OPCML: variants seen among roughly 807,000 people sequenced by gnomAD.
The protein encoded by OPCML is opioid-binding protein/cell adhesion molecule.
In OPCML, 13 loss-of-function variants were observed where a neutral mutation model predicts 37.8. The observed-to-expected ratio is 0.34, with a 90% CI of 0.22 to 0.55. The LOEUF (loss-of-function observed/expected upper bound fraction) is 0.55. OPCML is among the 20% of genes least tolerant of loss of function. OPCML has a pLI of 0.91. For synonymous variants in OPCML, 176 were observed against 168.8 expected (o/e 1.04, Z -0.33); for missense variants, 341 against 435.6 (o/e 0.78, Z 1.93).
intron 1 of OPCML, among the ~76,000 whole-genome samples, chr11:132,947,241 A>G (rs933226799): frequency 6.6e-6 from 1 of 152,254 alleles, no homozygotes; most frequent in Admixed American, 6.5e-5. Flanking sequence ...CGATAGGAAA[A>G]GAATGGCTGA....
In OPCML at chr11:133,314,043, G is replaced by A. The variant is rs1019182264; in HGVS notation, c.61+218221C>T. Among the ~76,000 whole-genome samples, 45 of 150,908 alleles carry A rather than the reference G, an allele frequency of 3.0e-4. No individual in the cohort carries two copies. The Middle Eastern group carries it at 0.014, about 46-fold the overall frequency. On this transcript the variant is annotated intron_variant, in intron 1 of 7. Transcript: ENST00000524381. ...GAGGTCAGGAGATCGAGACCATCCC[G>A]GCTAACACGGTGAAACCTCGTCTCT...
chr11:132,513,579 A>C (rs1032619764), intron 4 of OPCML, among the ~76,000 whole-genome samples: 4 of 152,154 alleles, frequency 2.6e-5, no homozygotes, highest in Non-Finnish European at 1.5e-5. Flanking sequence ...TATCCTTCTA[A>C]GTATACCATG....
At chr11:132,451,392 G>A (rs983523138) in intron 4 of OPCML, among the ~76,000 whole-genome samples, 1 of 150,872 alleles carries the variant, frequency 6.6e-6, no homozygotes, top group Non-Finnish European at 1.5e-5. Flanking sequence ...CGGGGGTGGG[G>A]GCGCAGACGG....
chr11:132,906,411 C>T (rs78601670), intron 2 of OPCML, among the ~76,000 whole-genome samples: 13,061 of 152,234 alleles, frequency 0.086, 871 homozygotes, highest in African/African-American at 0.17. Flanking sequence ...TCCCTAAGAA[C>T]CGCCCTTTCT....
intron 2 of OPCML, among the ~76,000 whole-genome samples, chr11:132,873,501 T>C (rs990380978): frequency 1.3e-5 from 2 of 151,964 alleles, no homozygotes; most frequent in Non-Finnish European, 2.9e-5. Context: ...GGGATAAGAA[T>C]AATGCCTACA....
intron 1 of OPCML, among the ~76,000 whole-genome samples, chr11:133,496,133 C>G (rs951371131): frequency 2.6e-5 from 4 of 152,136 alleles, no homozygotes; most frequent in African/African-American, 9.7e-5. Context: ...AGCCAATTAT[C>G]CCAGCATCAT....
chr11:133,025,029 A>T (rs1947525190), intron 1 of OPCML: 1 of 981,026 alleles, frequency 1.0e-6, no homozygotes, highest in Admixed American at 6.1e-5. Flanking sequence ...CTATGCCTTA[A>T]GAAACACTTC....
At chr11:133,178,872 T>C (rs1937686407) in intron 1 of OPCML, among the ~76,000 whole-genome samples, 1 of 152,198 alleles carries the variant, frequency 6.6e-6, no homozygotes, top group Non-Finnish European at 1.5e-5. Context: ...GAAACACACA[T>C]ACAGTATGCA....
At chr11:132,539,525 C>A (rs541539242) in intron 3 of OPCML, among the ~76,000 whole-genome samples, 2,438 of 152,064 alleles carry the variant, frequency 0.016, 53 homozygotes, top group African/African-American at 0.051. Flanking sequence ...GCTGCTGCTG[C>A]TGCTGCTGAT....
At chr11:132,714,922 A>G (rs1182172978) in intron 2 of OPCML, among the ~76,000 whole-genome samples, 3 of 152,188 alleles carry the variant, frequency 2.0e-5, no homozygotes, top group Non-Finnish European at 4.4e-5. Flanking sequence ...ATGGAGCAGA[A>G]AACAGTTCAC....
At chr11:133,439,533 T>A (rs1301200462) in intron 1 of OPCML, among the ~76,000 whole-genome samples, 1 of 152,054 alleles carries the variant, frequency 6.6e-6, no homozygotes, top group Non-Finnish European at 1.5e-5. Flanking sequence ...AGTGGCTCCA[T>A]CTCTGCTCAC....
chr11:133,372,526 T>C (rs1056959793), intron 1 of OPCML, among the ~76,000 whole-genome samples: 5 of 152,230 alleles, frequency 3.3e-5, no homozygotes, highest in Admixed American at 1.3e-4. Flanking sequence ...GTTGTTAATT[T>C]ATTTAACTTC....
At chr11:133,467,766 T>C (rs1375708866) in intron 1 of OPCML, among the ~76,000 whole-genome samples, 1 of 152,114 alleles carries the variant, frequency 6.6e-6, no homozygotes. Flanking sequence ...ACACTACCAA[T>C]TCAGGGTGCC....
chr11:133,412,936 T>C (rs922031499), intron 1 of OPCML, among the ~76,000 whole-genome samples: 1 of 152,200 alleles, frequency 6.6e-6, no homozygotes, highest in African/African-American at 2.4e-5. Context: ...AATATCTTCC[T>C]TCACCCTGAA....
rs761281356 is a variant in OPCML, at chr11:133,174,299, G to C, written c.62-231289C>G. On this transcript the variant is annotated intron_variant, in intron 1 of 7. Coordinates refer to ENST00000524381, the MANE Select transcript of OPCML (RefSeq NM_001012393.5). The surrounding 1 kb of genome is among the most constrained non-coding windows in gnomAD (Gnocchi z 4.6). ...TGCCAAACGTAGAGACCTGGAGAGA[G>C]AGGACAGGGGCCTCGCATGAACCTA... Among the ~76,000 whole-genome samples, 31 of 152,152 alleles carry C rather than the reference G, an allele frequency of 2.0e-4. No homozygotes were observed. Among genetic ancestry groups the C allele is most frequent in the African/African-American group, 4.8e-5 (2 of 41,440 alleles).
chr11:133,140,525 TAATAATAAGAAGAAG>T (rs1949757364), intron 1 of OPCML, among the ~76,000 whole-genome samples: 3 of 57,064 alleles, frequency 5.3e-5, no homozygotes, highest in African/African-American at 1.7e-4. Context: ...ATAATAATAA[TAATAATAAGAAGAAG>T]AAGAAGAAGA....
At chr11:133,360,613 G>A (rs28598584) in intron 1 of OPCML, 17,788 of 152,330 alleles carry the variant, frequency 0.12, 1,154 homozygotes, top group Admixed American at 0.18. Flanking sequence ...GAAAGGGGAG[G>A]AGGGAAGAAG....
At chr11:132,695,720 A>G (rs956063476) in intron 2 of OPCML, among the ~76,000 whole-genome samples, 4 of 152,208 alleles carry the variant, frequency 2.6e-5, no homozygotes, top group African/African-American at 4.8e-5. Flanking sequence ...CCTGACACCC[A>G]CTACAATGAC....
At chr11:133,288,175 C>T (rs985395910) in intron 1 of OPCML, among the ~76,000 whole-genome samples, 19 of 152,190 alleles carry the variant, frequency 1.2e-4, no homozygotes, top group African/African-American at 4.6e-4. Flanking sequence ...TGACCTCTGT[C>T]CTTCCACAGG....
Sources: allele counts gnomAD v4.1 joint callset (sites outside exome capture counted in the v4.1 genomes callset), GRCh38; gene constraint gnomAD v4.1.1; non-coding constraint Gnocchi (gnomAD v3.1); transcripts MANE v1.5; gene names NCBI Gene and HGNC (gene_info 2026-07-23, HGNC 2026-07-21).